Variants in MPDZ observed in about 807,000 individuals in gnomAD.
MPDZ encodes multiple PDZ domain crumbs cell polarity complex component, also known as multiple PDZ domain protein.
MPDZ carries 234 observed loss-of-function variants against 239.1 expected under a neutral mutation model. The observed-to-expected ratio is 0.98, with a 90% CI of 0.88 to 1.09. The LOEUF (loss-of-function observed/expected upper bound fraction) is 1.09, where lower values mean the gene tolerates loss of function less well. MPDZ is among the 50% of genes least tolerant of loss of function. The pLI is 0.00. For synonymous variants in MPDZ, 1,048 were observed against 881.3 expected (o/e 1.19, Z -3.35); for missense variants, 3,175 against 2,510.0 (o/e 1.26, Z -5.66).
intron 35 of MPDZ, among the ~76,000 whole-genome samples, chr9:13,124,294 T>C: frequency 6.6e-6 from 1 of 152,202 alleles, no homozygotes; most frequent in East Asian, 1.9e-4. Context: ...TTTTAACACT[T>C]CAGTGAATTA....
Position 13,112,176 on chromosome 9 carries a change from C to A in MPDZ, c.5602-30G>T. 1.9e-6 allele frequency: 3 copies of A among 1,580,404 alleles called. No individual in the cohort carries two copies. The South Asian group carries it at 3.5e-5, about 18-fold the overall frequency. On this transcript the variant is annotated intron_variant, in intron 42 of 46. Transcript: ENST00000319217. ...CATGGAACAGATATAAAATTTTGGT[C>A]AAAGTGATATTTTTCATTGACCTTT...
intron 1 of MPDZ, among the ~76,000 whole-genome samples, chr9:13,256,768 C>T (rs1969539762): frequency 6.6e-6 from 1 of 152,084 alleles, no homozygotes; most frequent in Non-Finnish European, 1.5e-5. Context: ...TAATAAAGGG[C>T]ATGAAATATT....
At chr9:13,181,452 TAAAA>T in intron 19 of MPDZ, among the ~76,000 whole-genome samples, 1 of 152,140 alleles carries the variant, frequency 6.6e-6, no homozygotes, top group African/African-American at 2.4e-5. Flanking sequence ...ACCAAAAATA[TAAAA>T]TGTTGCAGAG....
At chr9:13,179,643 G>A (rs1953007743) in intron 19 of MPDZ, among the ~76,000 whole-genome samples, 2 of 152,072 alleles carry the variant, frequency 1.3e-5, no homozygotes, top group African/African-American at 4.8e-5. Context: ...CAATTTCCCA[G>A]TGCAACTTGA....
chr9:13,110,163 T>C, intron 44 of MPDZ, 99 bp from the exon 45 acceptor site: 1 of 781,112 alleles, frequency 1.3e-6, no homozygotes, highest in Non-Finnish European at 2.1e-6. Flanking sequence ...AATGTATATT[T>C]TATTGTTCAT....
At chr9:13,212,019 G>T (rs1255614542) in intron 10 of MPDZ, among the ~76,000 whole-genome samples, 2 of 151,898 alleles carry the variant, frequency 1.3e-5, no homozygotes, top group Non-Finnish European at 2.9e-5. Context: ...CCATGTTGGG[G>T]CTCCATGAAA....
chr9:13,111,105 C>T (rs1942386854), intron 43 of MPDZ, among the ~76,000 whole-genome samples: 2 of 151,236 alleles, frequency 1.3e-5, no homozygotes, highest in African/African-American at 4.9e-5. Flanking sequence ...TTAGATGTGA[C>T]TCTAAGTCGG....
Position 13,154,281 on chromosome 9 carries a change from G to T in MPDZ, c.3453-3593C>A, listed in dbSNP as rs117962836. On this transcript the variant is annotated intron_variant, in intron 24 of 46. Transcript: ENST00000319217. Reference sequence around the variant, plus strand: ...TAGAAACACAGTGAAAGAAAAAGGAGGCCTAGAAAAGAAACTACAGAATAT... The same window carrying T: ...TAGAAACACAGTGAAAGAAAAAGGATGCCTAGAAAAGAAACTACAGAATAT... 1.8e-4 allele frequency among the ~76,000 whole-genome samples: 28 copies of T among 152,180 alleles called. No individual in the cohort carries two copies. In the East Asian group the frequency reaches 5.0e-3, roughly 27 times the overall value.
chr9:13,204,105 A>G (rs1392035074), intron 12 of MPDZ, among the ~76,000 whole-genome samples: 1 of 152,168 alleles, frequency 6.6e-6, no homozygotes, highest in Non-Finnish European at 1.5e-5. Context: ...ATAATGAAGG[A>G]ACAGATATGT....
chr9:13,150,666 T>C lies in MPDZ; in HGVS notation c.3475A>G (p.Ser1159Gly), dbSNP rs761463442. Residue 1159 changes from serine to glycine, a missense_variant, in exon 25 of 47, where the codon AGC (serine) becomes GGC (glycine). Ser to Gly is a moderately conservative substitution (Grantham distance 56). Transcript: ENST00000319217. Reference protein sequence around the residue: ...PRRVELWREPSKSLGISIVGG... With the variant: ...PRRVELWREPGKSLGISIVGG... ...ACAATGCTGATGCCTAAGGATTTGCTTGGTTCTCTCCAGAGTTCCACCCTA... is the reference window on the plus strand; with the variant it reads ...ACAATGCTGATGCCTAAGGATTTGCCTGGTTCTCTCCAGAGTTCCACCCTA... 2.8e-6 allele frequency: 4 copies of C among 1,428,336 alleles called. No homozygotes were observed. The South Asian group carries it at 7.6e-5, about 27-fold the overall frequency. 88.5% of individuals were successfully genotyped at this position (1,428,336 alleles called of 1,614,324 possible).
chr9:13,198,550 T>C (rs1373465421), intron 12 of MPDZ, among the ~76,000 whole-genome samples: 1 of 152,082 alleles, frequency 6.6e-6, no homozygotes, highest in Non-Finnish European at 1.5e-5. Flanking sequence ...TCTATTTATA[T>C]TGTTGTTACC....
intron 21 of MPDZ, among the ~76,000 whole-genome samples, chr9:13,171,547 G>GT (rs1004132955): frequency 1.1e-4 from 16 of 152,010 alleles, no homozygotes; most frequent in Non-Finnish European, 2.2e-4. Flanking sequence ...GAAGAACCTT[G>GT]TTTTTTTACC....
intron 1 of MPDZ, among the ~76,000 whole-genome samples, chr9:13,265,139 A>C (rs966635043): frequency 6.6e-6 from 1 of 152,200 alleles, no homozygotes; most frequent in African/African-American, 2.4e-5. Flanking sequence ...CAGAAGACTT[A>C]ACTTTGTGCC....
chr9:13,253,687 TTC>T (rs1209369824), intron 1 of MPDZ, among the ~76,000 whole-genome samples: 1 of 152,196 alleles, frequency 6.6e-6, no homozygotes, highest in Non-Finnish European at 1.5e-5. Flanking sequence ...GAATGGCAAG[TTC>T]TGAGGAATTT....
chr9:13,213,443 T>C (rs1328485298), intron 10 of MPDZ, among the ~76,000 whole-genome samples: 1 of 152,064 alleles, frequency 6.6e-6, no homozygotes, highest in East Asian at 1.9e-4. Flanking sequence ...TAATAGCTGC[T>C]GTCAAAACAA....
chr9:13,127,653 G>C (rs537419866), intron 32 of MPDZ, among the ~76,000 whole-genome samples: 3 of 152,254 alleles, frequency 2.0e-5, no homozygotes, highest in Admixed American at 6.5e-5. Flanking sequence ...TGACATCAAG[G>C]TAGGTTTCAA....
chr9:13,186,267 A>T lies in MPDZ; in HGVS notation c.2481+3T>A, dbSNP rs1264791490. 1.3e-6 allele frequency: 2 copies of T among 1,564,102 alleles called. No individual in the cohort carries two copies. Among genetic ancestry groups the T allele is most frequent in the African/African-American group, 1.4e-5 (1 of 73,748 alleles). On this transcript the variant is annotated splice_donor_region_variant and intron_variant, in intron 18 of 46. Coordinates refer to ENST00000319217, the MANE Select transcript of MPDZ (RefSeq NM_001378778.1). ...GAAAGCTTGATAAGTCATAGCCACT[A>T]ACCAGAGCCAAGTCAGCCCTGAAGA...
At chr9:13,217,378 A>C (rs1958490697) in intron 8 of MPDZ, 84 bp from the exon 9 acceptor site, 21 of 887,240 alleles carry the variant, frequency 2.4e-5, no homozygotes, top group Non-Finnish European at 3.1e-5. Context: ...CAAAAAAACC[A>C]TGATAAAATA....
At chr9:13,116,292 C>A (rs987273005) in intron 39 of MPDZ, among the ~76,000 whole-genome samples, 1 of 152,140 alleles carries the variant, frequency 6.6e-6, no homozygotes, top group Non-Finnish European at 1.5e-5. Context: ...AGCTGTGTGA[C>A]TGTAATGGAT....
Sources: gnomAD v4.1 joint callset for allele counts (sites outside exome capture counted in the v4.1 genomes callset) on GRCh38, gnomAD v4.1.1 for gene constraint, MANE v1.5 for transcripts, NCBI Gene and HGNC (gene_info 2026-07-23, HGNC 2026-07-21) for gene names.